Variants in SPTBN1 observed in about 807,000 individuals in gnomAD.
SPTBN1 encodes the protein spectrin beta, non-erythrocytic 1, also known as spectrin beta chain, non-erythrocytic 1.
In SPTBN1, 32 loss-of-function variants were observed where a neutral mutation model predicts 266.4. The ratio of observed to expected loss-of-function variants is 0.12; its 90% CI spans 0.09 to 0.16. The LOEUF (loss-of-function observed/expected upper bound fraction) is 0.16. Ranked by LOEUF, SPTBN1 falls within the 10% of genes least tolerant of loss-of-function variation. SPTBN1 has a pLI of 1.00. For synonymous variants in SPTBN1, 1,336 were observed against 1,162.2 expected, an observed-to-expected ratio of 1.15 and a Z score of -3.04; for missense variants, 2,296 against 3,067.1, an observed-to-expected ratio of 0.75 and a Z score of 5.94.
chr2:54,664,260 C>G lies in SPTBN1; in HGVS notation c.6421-193C>G. On this transcript the variant is annotated intron_variant, in intron 32 of 35. Coordinates refer to ENST00000356805, the MANE Select transcript of SPTBN1 (RefSeq NM_003128.3). The surrounding 1 kb of genome is among the most constrained non-coding windows in gnomAD (Gnocchi z 5.6). ...CTTTTCTCATTTCCCTGTAAATGGG[C>G]GGGTATTAATCCATTCCCACCTTCT... is the stretch of plus-strand genomic sequence containing the variant. 1.7e-6 allele frequency: 1 copy of G among 593,182 alleles called. No individual in the cohort carries two copies. Among genetic ancestry groups the G allele is most frequent in the Non-Finnish European group, 3.0e-6 (1 of 335,270 alleles). 36.7% of individuals were successfully genotyped at this position (593,182 alleles called of 1,614,324 possible). A position where few individuals can be genotyped will look rare whatever the true frequency, so the allele number is the denominator to read the frequency against.
intron 4 of SPTBN1, among the ~76,000 whole-genome samples, chr2:54,614,648 C>A (rs954914069): frequency 1.3e-5 from 2 of 151,908 alleles, no homozygotes; most frequent in African/African-American, 4.8e-5. Flanking sequence ...ACTAAAAATA[C>A]AAAAATTAGC....
At chr2:54,577,806 C>T (rs1183099700) in intron 2 of SPTBN1, among the ~76,000 whole-genome samples, 1 of 152,200 alleles carries the variant, frequency 6.6e-6, no homozygotes, top group African/African-American at 2.4e-5. Context: ...GCATTTTTCA[C>T]CTGGTGCTTT....
chr2:54,655,178 G>A lies in SPTBN1; in HGVS notation c.5931G>A (p.Leu1977=). 1 of 1,614,146 alleles carries A rather than the reference G, an allele frequency of 6.2e-7. No individual in the cohort carries two copies. ...FTTCIELGKS[L]LARKHYASEE... ...CCTGCATTGAACTTGGGAAATCCCT[G>A]TTGGCGAGAAAACACTATGCATCTG... is the stretch of plus-strand genomic sequence containing the variant. Residue 1977 remains leucine, a synonymous_variant, in exon 28 of 36, where the codon CTG becomes CTA. Coordinates refer to ENST00000356805, the MANE Select transcript of SPTBN1 (RefSeq NM_003128.3).
At chr2:54,495,679 T>TTTTTTTTTTTTTTTTTTTTTTTACTC (rs1279259203) in intron 1 of SPTBN1, among the ~76,000 whole-genome samples, 1 of 142,990 alleles carries the variant, frequency 7.0e-6, no homozygotes, top group South Asian at 2.2e-4. Flanking sequence ...GCATGTGTTT[T>TTTTTTTTTTTTTTTTTTTTTTTACTC]TACCTTTATT....
chr2:54,517,297 A>G (rs1573315164), intron 1 of SPTBN1, among the ~76,000 whole-genome samples: 1 of 152,178 alleles, frequency 6.6e-6, no homozygotes, highest in East Asian at 1.9e-4. Context: ...ATAGAAAAAT[A>G]CATACCAGGC....
At chr2:54,650,137 C>T in intron 26 of SPTBN1, 148 bp downstream of exon 26, 1 of 1,052,030 alleles carries the variant, frequency 9.5e-7, no homozygotes, top group East Asian at 2.5e-5. Context: ...TAATAGTGCT[C>T]CATTTGGGAG....
At position 54,610,063 on chromosome 2, in the gene SPTBN1, G is replaced by C. The variant is rs185349581; in HGVS notation, c.301-2098G>C. On this transcript the variant is annotated intron_variant, in intron 3 of 35. Transcript: ENST00000356805. The stretch of plus-strand genomic sequence containing the variant: ...TTCGTCTGCATTAAAAACTTGTTGA[G>C]GCAAGATACACTTTTCCTTCATTGA... 4.3e-3 allele frequency among the ~76,000 whole-genome samples: 661 copies of C among 152,294 alleles called. 5 individuals carry two copies. Among genetic ancestry groups the C allele is most frequent in the Non-Finnish European group, 6.0e-3 (411 of 68,034 alleles).
At chr2:54,596,631 C>T (rs762790845) in intron 2 of SPTBN1, among the ~76,000 whole-genome samples, 2 of 152,066 alleles carry the variant, frequency 1.3e-5, no homozygotes, top group African/African-American at 2.4e-5. Flanking sequence ...GAGGAGAGTT[C>T]GAAGGGAGGG....
At chr2:54,498,934 TTAAAAG>T (rs1334836497) in intron 1 of SPTBN1, among the ~76,000 whole-genome samples, 1 of 149,902 alleles carries the variant, frequency 6.7e-6, no homozygotes, top group Non-Finnish European at 1.5e-5. Context: ...CGAAGGGACT[TTAAAAG>T]TAGGGTAAAG....
intron 2 of SPTBN1, among the ~76,000 whole-genome samples, chr2:54,579,192 T>A (rs1674701454): frequency 6.6e-6 from 1 of 152,214 alleles, no homozygotes; most frequent in Non-Finnish European, 1.5e-5. Flanking sequence ...CTCTTTTACC[T>A]TTACTTTCAG....
intron 17 of SPTBN1, among the ~76,000 whole-genome samples, chr2:54,635,417 A>T (rs1679053178): frequency 6.6e-6 from 1 of 152,242 alleles, no homozygotes; most frequent in Non-Finnish European, 1.5e-5. Context: ...ACCTGCGCAT[A>T]GATCGGTGTC....
At chr2:54,496,439 T>TTAAAA (rs565974453) in intron 1 of SPTBN1, among the ~76,000 whole-genome samples, 2 of 126,356 alleles carry the variant, frequency 1.6e-5, no homozygotes, top group African/African-American at 6.0e-5. Flanking sequence ...CTCCGTGTCT[T>TTAAAA]AAAAAAAAAA....
At chr2:54,513,281 T>C (rs1250307031) in intron 1 of SPTBN1, among the ~76,000 whole-genome samples, 4 of 152,212 alleles carry the variant, frequency 2.6e-5, no homozygotes, top group Admixed American at 2.0e-4. Context: ...GTCTCACATA[T>C]CACTTAGTAT....
intron 2 of SPTBN1, among the ~76,000 whole-genome samples, chr2:54,541,061 G>C (rs1043406818): frequency 6.6e-6 from 1 of 152,208 alleles, no homozygotes; most frequent in Non-Finnish European, 1.5e-5. Flanking sequence ...CTAGCAGCAT[G>C]TTATTTAGCC....
intron 1 of SPTBN1, among the ~76,000 whole-genome samples, chr2:54,501,701 G>C (rs902215806): frequency 6.6e-6 from 1 of 152,156 alleles, no homozygotes; most frequent in Non-Finnish European, 1.5e-5. Flanking sequence ...TTGACATGGC[G>C]GGTCAGGTTG....
chr2:54,532,681 T>A (rs914930715), intron 2 of SPTBN1, among the ~76,000 whole-genome samples: 1 of 152,222 alleles, frequency 6.6e-6, no homozygotes, highest in Non-Finnish European at 1.5e-5. Flanking sequence ...AGGCCCACTT[T>A]CCTGACCTCT....
rs561765930 is a variant in SPTBN1, at chr2:54,670,707, C to T, written c.*2138C>T. The T allele has an allele frequency of 6.5e-5, 26 of 398,498 alleles. No individual in the cohort carries two copies. The highest frequency in any genetic ancestry group is 6.2e-4 in the Middle Eastern group (1 of 1,610). 24.7% of individuals were successfully genotyped at this position (398,498 alleles called of 1,614,324 possible). ...CAATCCTGGAGTCCCATAATAAATA[C>T]GTACATGTGGAACATCGTGCACATA... On this transcript the variant is annotated 3_prime_UTR_variant, in exon 36 of 36. Transcript: ENST00000356805.
At chr2:54,667,516 A>C in intron 34 of SPTBN1, 88 bp from the exon 35 acceptor site, 2 of 1,286,998 alleles carry the variant, frequency 1.6e-6, no homozygotes, top group Non-Finnish European at 2.2e-6. Context: ...CCTGTGGTCT[A>C]CTTCTGTCCT....
chr2:54,519,265 G>A (rs1284170010), intron 1 of SPTBN1, among the ~76,000 whole-genome samples: 1 of 152,196 alleles, frequency 6.6e-6, no homozygotes, highest in Non-Finnish European at 1.5e-5. Flanking sequence ...AGAATGATGG[G>A]ATCATGACCT....
Sources: allele counts gnomAD v4.1 joint callset (sites outside exome capture counted in the v4.1 genomes callset), GRCh38; gene constraint gnomAD v4.1.1; non-coding constraint Gnocchi (gnomAD v3.1); transcripts MANE v1.5; gene names NCBI Gene and HGNC (gene_info 2026-07-23, HGNC 2026-07-21).